Variants in PLA2G4A observed in about 807,000 individuals in gnomAD.
PLA2G4A encodes the protein cytosolic phospholipase A2.
PLA2G4A carries 40 observed loss-of-function variants against 81.9 expected under a neutral mutation model. The observed-to-expected ratio is 0.49, with a 90% CI of 0.38 to 0.64. The LOEUF (loss-of-function observed/expected upper bound fraction) is 0.64, where lower values mean the gene tolerates loss of function less well. Among genes scored for constraint, PLA2G4A ranks in the 30% least tolerant of loss-of-function variants. The pLI, the probability that PLA2G4A is intolerant of heterozygous loss-of-function variation, is 0.00. For missense variants in PLA2G4A, 715 were observed against 905.1 expected (o/e 0.79, Z 2.69); for synonymous variants, 302 against 296.9 (o/e 1.02, Z -0.18).
rs1312698290 is a variant in PLA2G4A at position 186,965,596 on chromosome 1, A to G, written c.1764+3A>G. The G allele has an allele frequency of 1.3e-6, 2 of 1,599,240 alleles. No homozygotes were observed. Among genetic ancestry groups the G allele is most frequent in the South Asian group, 1.1e-5 (1 of 90,768 alleles). On this transcript the variant is annotated splice_donor_region_variant and intron_variant, in intron 15 of 17. Transcript: ENST00000367466. ...GTGACTCTAGTCCTCCGTTCAAGGT[A>G]AGGATACATAATACAGCATTCCATT... is the stretch of plus-strand genomic sequence containing the variant.
At chr1:186,908,968 CTTTTTTTTTTTTTTT>C (rs1201226836) in intron 6 of PLA2G4A, among the ~76,000 whole-genome samples, 2 of 75,090 alleles carry the variant, frequency 2.7e-5, no homozygotes, top group South Asian at 1.0e-3. Flanking sequence ...CTTTTCTTTT[CTTTTTTTTTTTTTTT>C]TTTTTTTTGA....
intron 7 of PLA2G4A, among the ~76,000 whole-genome samples, chr1:186,924,502 T>A (rs1278417453): frequency 6.6e-6 from 1 of 152,192 alleles, no homozygotes; most frequent in African/African-American, 2.4e-5. Flanking sequence ...CAGCTCTTCT[T>A]CATCTGAGCG....
intron 7 of PLA2G4A, among the ~76,000 whole-genome samples, chr1:186,915,633 AGTT>A (rs1655108945): frequency 6.6e-6 from 1 of 152,120 alleles, no homozygotes; most frequent in Non-Finnish European, 1.5e-5. Flanking sequence ...GCCCACTGGT[AGTT>A]GTATTATTGG....
At chr1:186,885,743 A>T (rs558339321) in intron 3 of PLA2G4A, among the ~76,000 whole-genome samples, 39 of 152,298 alleles carry the variant, frequency 2.6e-4, no homozygotes, top group African/African-American at 9.1e-4. Context: ...GAAAATTTTA[A>T]ACTGAAAAAC....
intron 7 of PLA2G4A, among the ~76,000 whole-genome samples, chr1:186,928,429 T>C (rs1557878510): frequency 6.6e-6 from 1 of 152,128 alleles, no homozygotes; most frequent in Non-Finnish European, 1.5e-5. Flanking sequence ...AAGGCCTGAA[T>C]ATGACAAAAA....
Position 186,958,124 on chromosome 1 carries a change from G to T in PLA2G4A, c.1579+1780G>T, listed in dbSNP as rs570986774. Among the ~76,000 whole-genome samples, 14 of 152,112 alleles carry T rather than the reference G, an allele frequency of 9.2e-5. No individual in the cohort carries two copies. The East Asian group carries it at 2.7e-3, about 29-fold the overall frequency. On this transcript the variant is annotated intron_variant, in intron 14 of 17. Transcript: ENST00000367466. ...TACAGAGGCAAAAATGACCCCTGTT[G>T]TTTAAACAAGATTAGTGCAAACTCA...
chr1:186,974,427 A>G (rs6683074), intron 15 of PLA2G4A, among the ~76,000 whole-genome samples: 146,347 of 152,214 alleles, frequency 0.96, 70,431 homozygotes, highest in East Asian at 1. Flanking sequence ...CCTGGGAGGC[A>G]GAGGTTGCAA....
chr1:186,914,210 C>A (rs1655061353), intron 7 of PLA2G4A, among the ~76,000 whole-genome samples: 1 of 152,048 alleles, frequency 6.6e-6, no homozygotes, highest in African/African-American at 2.4e-5. Flanking sequence ...TTGCCTCAGT[C>A]TCCTAAGTAG....
intron 1 of PLA2G4A, among the ~76,000 whole-genome samples, chr1:186,834,185 A>T (rs1407260185): frequency 6.6e-6 from 1 of 152,132 alleles, no homozygotes; most frequent in East Asian, 1.9e-4. Flanking sequence ...TATTTAATTT[A>T]CAAGCTGTTT....
intron 8 of PLA2G4A, among the ~76,000 whole-genome samples, chr1:186,938,786 T>G (rs1468660489): frequency 6.6e-6 from 1 of 152,178 alleles, no homozygotes; most frequent in Non-Finnish European, 1.5e-5. Flanking sequence ...GGATGAAAGT[T>G]CAGTGTTTCC....
chr1:186,842,053 T>C (rs1158089369), intron 1 of PLA2G4A, among the ~76,000 whole-genome samples: 2 of 150,776 alleles, frequency 1.3e-5, no homozygotes, highest in African/African-American at 4.9e-5. Context: ...CTTTTTTTTT[T>C]TTTTTTTGAG....
intron 7 of PLA2G4A, among the ~76,000 whole-genome samples, chr1:186,918,430 A>G (rs1330449646): frequency 6.6e-6 from 1 of 152,196 alleles, no homozygotes; most frequent in Non-Finnish European, 1.5e-5. Context: ...GTCAGTGTAG[A>G]TGTTTACAGT....
At chr1:186,835,536 T>A (rs917707857) in intron 1 of PLA2G4A, among the ~76,000 whole-genome samples, 2 of 152,200 alleles carry the variant, frequency 1.3e-5, no homozygotes, top group Admixed American at 1.3e-4. Context: ...TCATTATGAT[T>A]TCTTAATATC....
At chr1:186,866,107 G>A (rs1291092566) in intron 2 of PLA2G4A, among the ~76,000 whole-genome samples, 2 of 152,110 alleles carry the variant, frequency 1.3e-5, no homozygotes, top group African/African-American at 4.8e-5. Flanking sequence ...TGTGAATTCA[G>A]TAATATAATT....
chr1:186,920,780 G>A (rs112567467), intron 7 of PLA2G4A, among the ~76,000 whole-genome samples: 1,887 of 152,300 alleles, frequency 0.012, 25 homozygotes, highest in Middle Eastern at 0.041. Context: ...TCGGCGTTTC[G>A]CCTAGCCTGG....
chr1:186,977,964 C>T (rs955250891), intron 16 of PLA2G4A, among the ~76,000 whole-genome samples, 176 bp downstream of exon 16: 6 of 152,186 alleles, frequency 3.9e-5, no homozygotes, highest in African/African-American at 1.4e-4. Context: ...TTTCTTACCC[C>T]AAGATCCCCT....
intron 15 of PLA2G4A, among the ~76,000 whole-genome samples, chr1:186,972,521 A>C (rs773600566): frequency 1.3e-5 from 2 of 152,190 alleles, no homozygotes; most frequent in Admixed American, 6.5e-5. Flanking sequence ...TACTACTTGA[A>C]ATTATTTTCC....
At chr1:186,964,382 G>A (rs1431357919) in intron 14 of PLA2G4A, among the ~76,000 whole-genome samples, 1 of 152,120 alleles carries the variant, frequency 6.6e-6, no homozygotes, top group Non-Finnish European at 1.5e-5. Flanking sequence ...TAAAATTGAT[G>A]ATCTCTAGGT....
At chr1:186,861,224 C>T (rs1435088537) in intron 2 of PLA2G4A, among the ~76,000 whole-genome samples, 2 of 152,168 alleles carry the variant, frequency 1.3e-5, no homozygotes, top group Non-Finnish European at 2.9e-5. Flanking sequence ...AAAGGATGTT[C>T]ATGCTTAGTC....
Sources: allele counts gnomAD v4.1 joint callset (sites outside exome capture counted in the v4.1 genomes callset), GRCh38; gene constraint gnomAD v4.1.1; transcripts MANE v1.5; gene names NCBI Gene and HGNC (gene_info 2026-07-23, HGNC 2026-07-21).